Variants in HACL1 observed in about 807,000 individuals in gnomAD.
HACL1 encodes 1600020H07Rik.
A neutral mutation model predicts 74.2 loss-of-function variants in HACL1; 64 were observed. The ratio of observed to expected loss-of-function variants is 0.86; its 90% confidence interval spans 0.70 to 1.06. The LOEUF (loss-of-function observed/expected upper bound fraction) is 1.06. Among genes scored for constraint, HACL1 ranks in the 50% least tolerant of loss-of-function variants. HACL1 has a pLI of 0.00. For synonymous variants in HACL1, 230 were observed against 238.8 expected, an observed-to-expected ratio of 0.96 and a Z score of 0.34; for missense variants, 728 against 719.7, an observed-to-expected ratio of 1.01 and a Z score of -0.13.
intron 6 of HACL1, 90 bp downstream of exon 6, chr3:15,586,435 C>T: frequency 1.4e-6 from 1 of 722,946 alleles, no homozygotes; most frequent in South Asian, 1.7e-5. Flanking sequence ...TCCTAATTGT[C>T]ACTCATTCTT....
intron 3 of HACL1, among the ~76,000 whole-genome samples, chr3:15,591,892 A>AC (rs1421262669): frequency 6.6e-6 from 1 of 150,704 alleles, no homozygotes; most frequent in Non-Finnish European, 1.5e-5. Flanking sequence ...ATACGTATAT[A>AC]GTGTATACAC....
intron 2 of HACL1, among the ~76,000 whole-genome samples, chr3:15,597,321 G>A (rs1323606596): frequency 6.6e-6 from 1 of 152,028 alleles, no homozygotes; most frequent in Non-Finnish European, 1.5e-5. Flanking sequence ...TATACTGCAC[G>A]CTTTCAATCC....
At chr3:15,566,511 CT>C (rs1247982960) in intron 14 of HACL1, among the ~76,000 whole-genome samples, 2 of 152,128 alleles carry the variant, frequency 1.3e-5, no homozygotes, top group African/African-American at 4.8e-5. Context: ...AAAAAATTAG[CT>C]GGGCATGGTG....
In HACL1 at chr3:15,588,022, T is replaced by C. The variant is rs77148597; in HGVS notation, c.382-1420A>G. Among the ~76,000 whole-genome samples the C allele has an allele frequency of 1.2e-3, 190 of 152,136 alleles. 3 individuals are homozygous for C. In the East Asian group the frequency reaches 0.03, roughly 24 times the overall value. ...GATTCTCCTGCCTCAGCCTCCCAAG[T>C]AGCGAGGATTACGGGCACCCACCAC... is the stretch of plus-strand genomic sequence containing the variant. On this transcript the variant is annotated intron_variant, in intron 5 of 16. Coordinates refer to ENST00000321169, the MANE Select transcript of HACL1 (RefSeq NM_012260.4).
chr3:15,568,387 C>A, intron 13 of HACL1, 45 bp downstream of exon 13: 1 of 1,204,966 alleles, frequency 8.3e-7, no homozygotes, highest in Non-Finnish European at 1.2e-6. Flanking sequence ...TCATATTAAA[C>A]ACATTATAAT....
At chr3:15,566,597 G>A (rs917269092) in intron 14 of HACL1, among the ~76,000 whole-genome samples, 4 of 152,010 alleles carry the variant, frequency 2.6e-5, no homozygotes, top group African/African-American at 4.8e-5. Flanking sequence ...TTGACGCTGC[G>A]GTGAGCCGCA....
At chr3:15,573,307 T>C in intron 10 of HACL1, 65 bp from the exon 11 acceptor site, 3 of 878,326 alleles carry the variant, frequency 3.4e-6, no homozygotes, top group South Asian at 2.7e-5. Flanking sequence ...AGAAGGCAAT[T>C]ACGATTGAAT....
chr3:15,592,579 T>TGTGCGTGTATACACGTACGCACAC (rs2063963426), intron 3 of HACL1, among the ~76,000 whole-genome samples: 1 of 117,104 alleles, frequency 8.5e-6, no homozygotes, highest in Non-Finnish European at 1.8e-5. Context: ...TGTACGCACA[T>TGTGCGTGTATACACGTACGCACAC]GTGTGCGTGT....
At chr3:15,566,593 C>T (rs2063437351) in intron 14 of HACL1, among the ~76,000 whole-genome samples, 1 of 152,026 alleles carries the variant, frequency 6.6e-6, no homozygotes, top group Admixed American at 6.6e-5. Context: ...GTGGTTGACG[C>T]TGCGGTGAGC....
intron 9 of HACL1, 82 bp downstream of exon 9, chr3:15,579,828 T>C: frequency 2.1e-6 from 2 of 958,588 alleles, no homozygotes; most frequent in Non-Finnish European, 3.2e-6. Flanking sequence ...CAGAACTCCA[T>C]CCTAGATGAA....
rs1381784184 is a variant in HACL1 at position 15,571,871 on chromosome 3, G to A, written c.994-102C>T. 1.7e-4 allele frequency: 90 copies of A among 515,698 alleles called. No homozygotes were observed. The African/African-American group carries it at 2.2e-3, about 12-fold the overall frequency. The allele number at this position is 515,698 out of a possible 1,614,324, so 31.9% of individuals were successfully genotyped here. A position where few individuals can be genotyped will look rare whatever the true frequency, so the allele number is the denominator to read the frequency against. On this transcript the variant is annotated intron_variant, in intron 11 of 16. Transcript: ENST00000321169. ...TTTTTTTTTTTTGAGACGAAGTCTC[G>A]TTCTGTCACCCAGGCTGGAGTGCAG... is the stretch of plus-strand genomic sequence containing the variant.
At chr3:15,592,527 CACATGTAT>C (rs2063956367) in intron 3 of HACL1, among the ~76,000 whole-genome samples, 2 of 144,124 alleles carry the variant, frequency 1.4e-5, no homozygotes, top group African/African-American at 5.1e-5. Context: ...TATACATATA[CACATGTAT>C]ACACATGTAC....
chr3:15,578,074 G>C (rs1466232698), intron 9 of HACL1, among the ~76,000 whole-genome samples: 2 of 146,094 alleles, frequency 1.4e-5, no homozygotes, highest in South Asian at 2.2e-4. Flanking sequence ...CTCCAGCCTG[G>C]GTGACAGAGC....
intron 4 of HACL1, 147 bp downstream of exon 4, chr3:15,591,453 G>A (rs998064595): frequency 7.1e-5 from 36 of 503,782 alleles, no homozygotes; most frequent in East Asian, 5.1e-4. Context: ...TTCCCTCCCC[G>A]GTAACTAACT....
chr3:15,578,665 G>A (rs535792162), intron 9 of HACL1, among the ~76,000 whole-genome samples: 1 of 152,236 alleles, frequency 6.6e-6, no homozygotes, highest in African/African-American at 2.4e-5. Context: ...GCTCTGCTCT[G>A]AGGGCAGCCT....
At chr3:15,564,696 A>C (rs2063403667) in intron 14 of HACL1, 38 bp from the exon 15 acceptor site, 1 of 814,372 alleles carries the variant, frequency 1.2e-6, no homozygotes, top group Non-Finnish European at 2.0e-6. Flanking sequence ...ATCATTCTTC[A>C]TTTTAAAGTA....
At chr3:15,570,292 G>A (rs1300306965) in intron 12 of HACL1, among the ~76,000 whole-genome samples, 1 of 150,580 alleles carries the variant, frequency 6.6e-6, no homozygotes, top group Admixed American at 6.6e-5. Context: ...CCAAGATCAC[G>A]CCATTGCACT....
At chr3:15,579,060 T>C (rs2063677061) in intron 9 of HACL1, among the ~76,000 whole-genome samples, 1 of 152,220 alleles carries the variant, frequency 6.6e-6, no homozygotes, top group South Asian at 2.1e-4. Context: ...ACTACTTATA[T>C]ATGGTTAAGT....
intron 6 of HACL1, among the ~76,000 whole-genome samples, chr3:15,585,739 G>C (rs367881926): frequency 6.6e-6 from 1 of 152,136 alleles, no homozygotes; most frequent in African/African-American, 2.4e-5. Context: ...GTAACTCCTG[G>C]TTTTGAAACA....
Sources: gnomAD v4.1 joint callset for allele counts (sites outside exome capture counted in the v4.1 genomes callset) on GRCh38, gnomAD v4.1.1 for gene constraint, MANE v1.5 for transcripts, NCBI Gene and HGNC (gene_info 2026-07-23, HGNC 2026-07-21) for gene names.